FSTL4: variants seen among roughly 807,000 people sequenced by gnomAD.
FSTL4 encodes follistatin-related protein 4.
A neutral mutation model predicts 78.2 loss-of-function variants in FSTL4; 28 were observed. That is an observed-to-expected ratio of 0.36 (90% CI 0.27 to 0.49). The LOEUF (loss-of-function observed/expected upper bound fraction) is 0.49. Ranked by LOEUF, FSTL4 falls within the 20% of genes least tolerant of loss-of-function variation. The pLI, the probability that FSTL4 is intolerant of heterozygous loss-of-function variation, is 0.98. For missense variants in FSTL4, 922 were observed against 1,084.9 expected, an observed-to-expected ratio of 0.85 and a Z score of 2.11; for synonymous variants, 422 against 440.5, an observed-to-expected ratio of 0.96 and a Z score of 0.53.
rs541916071 is a variant in FSTL4, at chr5:133,567,884, A to G, written c.127-665T>C. On this transcript the variant is annotated intron_variant, in intron 2 of 15. Transcript: ENST00000265342. Reference sequence around the variant, plus strand: ...TACCCAGGTAAAACTGAGTACCTGCATTGATATTCACAGTTGATTAGGGGG... The same window carrying G: ...TACCCAGGTAAAACTGAGTACCTGCGTTGATATTCACAGTTGATTAGGGGG... Among the ~76,000 whole-genome samples, 158 of 152,378 alleles carry G rather than the reference A, an allele frequency of 1.0e-3. 2 individuals are homozygous for G. In the South Asian group the frequency reaches 0.032, roughly 31 times the overall value.
chr5:133,337,365 T>G (rs949198063), intron 4 of FSTL4, among the ~76,000 whole-genome samples: 2 of 152,226 alleles, frequency 1.3e-5, no homozygotes, highest in Non-Finnish European at 2.9e-5. Flanking sequence ...ACACTTTCCC[T>G]AGTTTTTAAA....
intron 4 of FSTL4, among the ~76,000 whole-genome samples, chr5:133,370,963 A>C (rs1461585187): frequency 6.6e-6 from 1 of 152,196 alleles, no homozygotes; most frequent in African/African-American, 2.4e-5. Context: ...GACTGGCTGC[A>C]AACTGGGTTC....
chr5:133,651,128 T>A, the FSTL4 span, among the ~76,000 whole-genome samples: 1 of 152,216 alleles, frequency 6.6e-6, no homozygotes, highest in Non-Finnish European at 1.5e-5. Flanking sequence ...TCCAGGAATT[T>A]TTTTTTGTCA....
intron 2 of FSTL4, among the ~76,000 whole-genome samples, chr5:133,580,916 T>G (rs1401453983): frequency 6.6e-6 from 1 of 152,146 alleles, no homozygotes; most frequent in Non-Finnish European, 1.5e-5. Context: ...TCCTTCAATC[T>G]GCACAGCCCC....
chr5:133,674,557 G>A, the FSTL4 span, among the ~76,000 whole-genome samples: 1 of 151,960 alleles, frequency 6.6e-6, no homozygotes, highest in African/African-American at 2.4e-5. Flanking sequence ...CGTAGAGAAC[G>A]AGACAGGCAT....
intron 7 of FSTL4, among the ~76,000 whole-genome samples, chr5:133,235,530 G>A (rs1199705441): frequency 6.6e-6 from 1 of 150,452 alleles, no homozygotes; most frequent in Non-Finnish European, 1.5e-5. Flanking sequence ...ACACTTTCTG[G>A]CTAATTAGCT....
At chr5:133,460,890 G>A (rs1043779884) in intron 3 of FSTL4, among the ~76,000 whole-genome samples, 1 of 152,142 alleles carries the variant, frequency 6.6e-6, no homozygotes, top group Admixed American at 6.5e-5. Flanking sequence ...TTCAGGTTAC[G>A]CCAAGCAAGA....
intron 6 of FSTL4, 106 bp from the exon 7 acceptor site, chr5:133,249,682 G>T (rs1300761618): frequency 2.6e-6 from 2 of 768,594 alleles, no homozygotes; most frequent in East Asian, 2.6e-5. Context: ...GCCCAGAAGG[G>T]CTTCACGACT....
chr5:133,229,522 TAA>T (rs35050723), intron 8 of FSTL4, among the ~76,000 whole-genome samples: 1 of 145,624 alleles, frequency 6.9e-6, no homozygotes, highest in African/African-American at 2.5e-5. Flanking sequence ...GACCTTGTCT[TAA>T]AAAAAAAAAA....
chr5:133,673,745 C>T, the FSTL4 span, among the ~76,000 whole-genome samples: 3 of 152,212 alleles, frequency 2.0e-5, no homozygotes, highest in African/African-American at 7.2e-5. Flanking sequence ...ATCTTCTCTG[C>T]CTCCAGGGAC....
At chr5:133,210,468 GCATT>G (rs1308010970) in intron 13 of FSTL4, among the ~76,000 whole-genome samples, 170 bp from the exon 14 acceptor site, 1 of 118,878 alleles carries the variant, frequency 8.4e-6, no homozygotes, top group African/African-American at 3.4e-5. Flanking sequence ...TTTCTCAGAG[GCATT>G]ATTATTATTA....
At chr5:133,819,015 CGAA>C in the FSTL4 span, among the ~76,000 whole-genome samples, 1 of 140,594 alleles carries the variant, frequency 7.1e-6, no homozygotes, top group Non-Finnish European at 1.5e-5. Flanking sequence ...ATTTCTAGAA[CGAA>C]GGAGATCTGC....
chr5:133,766,694 T>C, the FSTL4 span, among the ~76,000 whole-genome samples: 1 of 152,206 alleles, frequency 6.6e-6, no homozygotes, highest in Non-Finnish European at 1.5e-5. Context: ...GGAGGGTTAA[T>C]GCAGCCAGCA....
chr5:133,496,792 C>T (rs895799813), intron 3 of FSTL4, among the ~76,000 whole-genome samples: 3 of 152,188 alleles, frequency 2.0e-5, no homozygotes, highest in Admixed American at 1.3e-4. Context: ...AACCAGGCTG[C>T]ACTGCCAGTC....
At chr5:133,657,238 C>A in the FSTL4 span, among the ~76,000 whole-genome samples, 2 of 152,188 alleles carry the variant, frequency 1.3e-5, no homozygotes, top group South Asian at 4.1e-4. Flanking sequence ...ACAGGGCAGT[C>A]TGTAGCACGT....
chr5:133,581,948 G>A (rs930358836), intron 2 of FSTL4, among the ~76,000 whole-genome samples: 4 of 152,240 alleles, frequency 2.6e-5, no homozygotes, highest in Non-Finnish European at 5.9e-5. Flanking sequence ...CCAGTGGGCT[G>A]GCAGGGTTCT....
chr5:133,780,868 A>T, the FSTL4 span, among the ~76,000 whole-genome samples: 2 of 152,274 alleles, frequency 1.3e-5, no homozygotes, highest in East Asian at 1.9e-4. Flanking sequence ...GCTTCAGAGG[A>T]TCTGTTGGCT....
chr5:133,524,164 G>A (rs1461451268), intron 3 of FSTL4, among the ~76,000 whole-genome samples: 2 of 152,188 alleles, frequency 1.3e-5, no homozygotes, highest in Admixed American at 6.5e-5. Flanking sequence ...AGGAGGACAG[G>A]TCAGCGTGTC....
chr5:133,330,115 C>T (rs1430724090), intron 4 of FSTL4, among the ~76,000 whole-genome samples: 1 of 152,182 alleles, frequency 6.6e-6, no homozygotes, highest in African/African-American at 2.4e-5. Context: ...TCTTAGGGTT[C>T]CACGTGTAGG....
Sources: allele counts gnomAD v4.1 joint callset (sites outside exome capture counted in the v4.1 genomes callset), GRCh38; gene constraint gnomAD v4.1.1; transcripts MANE v1.5; gene names NCBI Gene and HGNC (gene_info 2026-07-23, HGNC 2026-07-21).